The following COPS5 variants were observed in gnomAD, a reference collection of about 807,000 sequenced individuals.
The protein encoded by COPS5 is COP9 signalosome complex subunit 5.
In COPS5, 8 loss-of-function variants were observed where a neutral mutation model predicts 44.4. That is an observed-to-expected ratio of 0.18 (90% CI 0.11 to 0.32). The LOEUF is 0.32. Ranked by LOEUF, COPS5 falls within the 10% of genes least tolerant of loss-of-function variation. The probability of loss-of-function intolerance (pLI) is 1.00; values close to 1 mark genes in which losing one functional copy is unlikely to be tolerated. For missense variants in COPS5, 159 were observed against 406.4 expected (o/e 0.39, Z 5.23); for synonymous variants, 122 against 142.8 (o/e 0.85, Z 1.04).
chr8:67,060,967 A>G (rs1804596951), intron 1 of COPS5: 1 of 163,402 alleles, frequency 6.1e-6, no homozygotes, highest in Admixed American at 6.2e-5. Context: ...AAAAACTGTG[A>G]GGCAGTAGAA....
chr8:67,059,890 T>C (rs1804560221), intron 1 of COPS5: 1 of 179,922 alleles, frequency 5.6e-6, no homozygotes, highest in African/African-American at 2.4e-5. Context: ...CTAGCTGTGG[T>C]ATTGGGACAA....
In COPS5 at chr8:67,059,381, T is replaced by G; in HGVS notation, c.208A>C (p.Arg70=). The G allele has an allele frequency of 1.2e-6, 2 of 1,614,240 alleles. No individual in the cohort carries two copies. Among genetic ancestry groups the G allele is most frequent in the Non-Finnish European group, 1.7e-6 (2 of 1,180,030 alleles). The change falls in exon 2 of 8, where the codon AGA becomes CGA. Residue 70 remains arginine, a synonymous_variant. Transcript: ENST00000357849. ...ATCACTTCCAAGTTGCCTCCCGATC[T>G]GGCATGCATCACCATCTTCAGCAGA... ...LALLKMVMHA[R]SGGNLEVMGL...
intron 5 of COPS5, among the ~76,000 whole-genome samples, chr8:67,051,985 G>A (rs1804420998): frequency 6.6e-6 from 1 of 152,086 alleles, no homozygotes; most frequent in South Asian, 2.1e-4. Flanking sequence ...AAAAGCATGA[G>A]ACATCTTTAC....
intron 5 of COPS5, among the ~76,000 whole-genome samples, chr8:67,052,917 A>G (rs1050288371): frequency 6.6e-6 from 1 of 151,984 alleles, no homozygotes; most frequent in Non-Finnish European, 1.5e-5. Flanking sequence ...GAGTAGAGTA[A>G]TAATACAGTC....
intron 1 of COPS5, chr8:67,061,632 G>T: frequency 1.8e-6 from 1 of 559,796 alleles, no homozygotes; most frequent in Non-Finnish European, 3.2e-6. Context: ...ACCGCTTGTT[G>T]TTCTCCCCTT....
intron 6 of COPS5, among the ~76,000 whole-genome samples, chr8:67,050,560 T>A (rs182270276): frequency 8.4e-4 from 121 of 144,866 alleles, no homozygotes; most frequent in African/African-American, 2.5e-3. Context: ...TGAGTGTGAG[T>A]GTGTGTGTGT....
intron 3 of COPS5, 25 bp downstream of exon 3, chr8:67,058,054 CTTAA>C: frequency 1.2e-6 from 2 of 1,609,564 alleles, no homozygotes; most frequent in East Asian, 2.2e-5. Flanking sequence ...TCATAAAGAA[CTTAA>C]TTAAACTGGT....
intron 1 of COPS5, chr8:67,061,288 T>C (rs1804613924): frequency 2.7e-6 from 1 of 373,532 alleles, no homozygotes; most frequent in Non-Finnish European, 5.2e-6. Flanking sequence ...TCCGAAATAA[T>C]TACCAGCAAT....
intron 6 of COPS5, among the ~76,000 whole-genome samples, chr8:67,046,921 TAAAC>T (rs1000636883): frequency 2.0e-5 from 3 of 148,418 alleles, no homozygotes; most frequent in African/African-American, 7.5e-5. Context: ...TATAAAGAAG[TAAAC>T]AAACACATCT....
rs768147066 is a variant in COPS5 at position 67,061,811 on chromosome 8, G to C, written c.143+43C>G. On this transcript the variant is annotated intron_variant, in intron 1 of 7. Transcript: ENST00000357849. ...TCTCCCTCTGGGTCTCTTAAACTCC[G>C]CCACCCTTTCCCTCCCCTGCGTCTC... 1.6e-5 allele frequency: 26 copies of C among 1,603,326 alleles called. No homozygotes were observed. The Admixed American group carries it at 4.3e-4, about 27-fold the overall frequency.
chr8:67,054,737 GCATAAGTGGTACAGAAAAA>G, intron 5 of COPS5, among the ~76,000 whole-genome samples: 1 of 152,286 alleles, frequency 6.6e-6, no homozygotes, highest in South Asian at 2.1e-4. Context: ...TTTGAAGTTG[GCATAAGTGGTACAGAAAAA>G]GAGGGCAGTA....
intron 6 of COPS5, among the ~76,000 whole-genome samples, chr8:67,049,911 A>T (rs763524411): frequency 3.3e-5 from 5 of 152,184 alleles, no homozygotes; most frequent in Non-Finnish European, 4.4e-5. Context: ...ATTGTTCCTA[A>T]GTTCTAAATA....
In COPS5 at chr8:67,043,293, G is replaced by A; in HGVS notation, c.945C>T (p.Ile315=). ...RDSCKTTIEA[I]HGLMSQVIKD... is the part of the protein sequence containing the mutation. ...TAATAACCTGAGACATCAATCCATG[G>A]ATAGCTTCTATGGTAGTTTTACAGC... Residue 315 remains isoleucine, a synonymous_variant, in exon 8 of 8, where the codon ATC becomes ATT. Coordinates refer to ENST00000357849, the MANE Select transcript of COPS5 (RefSeq NM_006837.3). 1 of 1,601,068 alleles carries A rather than the reference G, an allele frequency of 6.2e-7. No homozygotes were observed. Among genetic ancestry groups the A allele is most frequent in the Non-Finnish European group, 8.5e-7 (1 of 1,171,108 alleles).
intron 2 of COPS5, among the ~76,000 whole-genome samples, chr8:67,058,462 T>C (rs577921626): frequency 7.9e-5 from 12 of 152,304 alleles, no homozygotes; most frequent in African/African-American, 2.6e-4. Context: ...AACATAATAA[T>C]GTTTTACACT....
In COPS5 at chr8:67,059,586, A is replaced by G. The variant is rs185654472; in HGVS notation, c.144-141T>C. ...GTAGACTACGGGGAGAAAAAGTAAA[A>G]AAGGACAGTTTTTGCAGGCTGGAAA... On this transcript the variant is annotated intron_variant, in intron 1 of 7. Coordinates refer to ENST00000357849, the MANE Select transcript of COPS5 (RefSeq NM_006837.3). 169 of 635,612 alleles carry G rather than the reference A, an allele frequency of 2.7e-4. 1 individual carries two copies. The highest frequency in any genetic ancestry group is 2.6e-3 in the African/African-American group (143 of 54,650). 39.4% of individuals were successfully genotyped at this position (635,612 alleles called of 1,614,324 possible). A position where few individuals can be genotyped will look rare whatever the true frequency, so the allele number is the denominator to read the frequency against.
intron 7 of COPS5, chr8:67,044,617 G>A (rs62513081): frequency 6.7e-6 from 1 of 148,612 alleles, no homozygotes; most frequent in African/African-American, 2.5e-5. Context: ...TTTTTTTTTG[G>A]AGACAGAGTT....
chr8:67,059,253 A>T lies in COPS5; in HGVS notation c.336T>A (p.Ala112=), dbSNP rs1317923195. 1 of 1,614,204 alleles carries T rather than the reference A, an allele frequency of 6.2e-7. No individual in the cohort carries two copies. Among genetic ancestry groups the T allele is most frequent in the Non-Finnish European group, 8.5e-7 (1 of 1,180,014 alleles). ...GTETRVNAQA[A]AYEYMAAYIE... ...TGTATGCAGCCATGTATTCATATGC[A>T]GCAGCCTGAGCATTTACTCGGGTTT... Residue 112 remains alanine, a synonymous_variant, in exon 2 of 8, where the codon GCT becomes GCA. Coordinates refer to ENST00000357849, the MANE Select transcript of COPS5 (RefSeq NM_006837.3).
intron 6 of COPS5, chr8:67,047,724 G>A: frequency 4.3e-6 from 3 of 693,204 alleles, no homozygotes; most frequent in South Asian, 3.0e-5. Flanking sequence ...TGCAGTGCTG[G>A]AATACAGGGA....
rs763603245 is a variant in COPS5 at position 67,059,481 on chromosome 8, A to G, written c.144-36T>C. ...AAATCACAATGTAATTAAATTCCTT[A>G]TATAAAGTAAAATTTCAGAAAAGTT... On this transcript the variant is annotated intron_variant, in intron 1 of 7. Coordinates refer to ENST00000357849, the MANE Select transcript of COPS5 (RefSeq NM_006837.3). 2.0e-6 allele frequency: 3 copies of G among 1,487,604 alleles called. No homozygotes were observed. In the South Asian group the frequency reaches 3.4e-5, roughly 17 times the overall value. 92.2% of individuals were successfully genotyped at this position (1,487,604 alleles called of 1,614,324 possible).
Sources: gnomAD v4.1 joint callset for allele counts (sites outside exome capture counted in the v4.1 genomes callset) on GRCh38, gnomAD v4.1.1 for gene constraint, MANE v1.5 for transcripts, NCBI Gene and HGNC (gene_info 2026-07-23, HGNC 2026-07-21) for gene names.